DOCK4: variants seen among roughly 807,000 people sequenced by gnomAD.
DOCK4 encodes the protein dedicator of cytokinesis 4.
In DOCK4, 97 loss-of-function variants were observed where a neutral mutation model predicts 268.1. The ratio of observed to expected loss-of-function variants is 0.36; its 90% CI spans 0.31 to 0.43. DOCK4 has a LOEUF of 0.43. Among genes scored for constraint, DOCK4 ranks in the 20% least tolerant of loss-of-function variants. The pLI, the probability that DOCK4 is intolerant of heterozygous loss-of-function variation, is 1.00. For missense variants in DOCK4, 2,145 were observed against 2,455.7 expected, an observed-to-expected ratio of 0.87 and a Z score of 2.67; for synonymous variants, 954 against 887.2, an observed-to-expected ratio of 1.08 and a Z score of -1.34.
intron 8 of DOCK4, among the ~76,000 whole-genome samples, chr7:111,952,532 T>A (rs1266698794): frequency 6.6e-6 from 1 of 152,240 alleles, no homozygotes; most frequent in Non-Finnish European, 1.5e-5. Context: ...TGGATTTATA[T>A]TTATCACTTT....
At chr7:111,991,961 CAAAAAAAAAAAAA>C (rs60667093) in intron 5 of DOCK4, among the ~76,000 whole-genome samples, 44 of 50,918 alleles carry the variant, frequency 8.6e-4, no homozygotes, top group Admixed American at 2.0e-3. Context: ...ACTCTGTCTC[CAAAAAAAAAAAAA>C]AAAAAAAAAA....
At chr7:111,972,264 T>G (rs1157914028) in intron 8 of DOCK4, among the ~76,000 whole-genome samples, 1 of 152,116 alleles carries the variant, frequency 6.6e-6, no homozygotes, top group African/African-American at 2.4e-5. Flanking sequence ...CTGATGCGAC[T>G]GCTGGTGGTG....
rs138331637 is a variant in DOCK4, at chr7:112,103,148, C to T, written c.38-99017G>A. Among the ~76,000 whole-genome samples, 403 of 152,216 alleles carry T rather than the reference C, an allele frequency of 2.6e-3. 1 individual carries two copies. Among genetic ancestry groups the T allele is most frequent in the African/African-American group, 9.3e-3 (388 of 41,550 alleles). On this transcript the variant is annotated intron_variant, in intron 1 of 52. Coordinates refer to ENST00000428084, the MANE Select transcript of DOCK4 (RefSeq NM_001363540.2). ...TAAACTCAAGTCACATGAAACAGTT[C>T]CATTTCTTAAACTTATGAATCACTG... is the stretch of plus-strand genomic sequence containing the variant.
At chr7:111,954,630 C>A (rs1370010854) in intron 8 of DOCK4, among the ~76,000 whole-genome samples, 1 of 152,124 alleles carries the variant, frequency 6.6e-6, no homozygotes, top group African/African-American at 2.4e-5. Flanking sequence ...ACACATACCC[C>A]CTGAAGATGG....
chr7:111,995,862 A>C (rs1201213278), intron 4 of DOCK4, among the ~76,000 whole-genome samples: 4 of 152,222 alleles, frequency 2.6e-5, no homozygotes, highest in Non-Finnish European at 5.9e-5. Flanking sequence ...AACACAGCTG[A>C]AAATGTAAAA....
chr7:112,121,862 T>C (rs751722352), intron 1 of DOCK4, among the ~76,000 whole-genome samples: 40 of 152,304 alleles, frequency 2.6e-4, no homozygotes, highest in African/African-American at 8.9e-4. Flanking sequence ...CAAAATTATA[T>C]CTGATCTCTT....
At chr7:111,871,308 G>A (rs1439143889) in intron 20 of DOCK4, among the ~76,000 whole-genome samples, 3 of 152,170 alleles carry the variant, frequency 2.0e-5, no homozygotes, top group South Asian at 4.1e-4. Context: ...GTTATTTGTC[G>A]AACTAAAAGA....
chr7:112,104,422 G>A (rs569410319), intron 1 of DOCK4, among the ~76,000 whole-genome samples: 1 of 152,130 alleles, frequency 6.6e-6, no homozygotes, highest in Admixed American at 6.6e-5. Flanking sequence ...CTACTCTAAC[G>A]GGAAAAAAAA....
Position 111,811,773 on chromosome 7 carries a change from T to C in DOCK4, c.3006+101A>G, listed in dbSNP as rs1035996732. The C allele has an allele frequency of 8.5e-6, 6 of 707,848 alleles. No individual in the cohort carries two copies. In the Admixed American group the frequency reaches 1.6e-4, roughly 19 times the overall value. 43.8% of individuals were successfully genotyped at this position (707,848 alleles called of 1,614,324 possible). ...ATGAAAACTGTTCTAATATTCCTCA[T>C]AGTTAAAACTAATACGGCCCAAGAA... On this transcript the variant is annotated intron_variant, in intron 28 of 52. Coordinates refer to ENST00000428084, the MANE Select transcript of DOCK4 (RefSeq NM_001363540.2).
chr7:112,012,226 C>A (rs975004101), intron 1 of DOCK4, among the ~76,000 whole-genome samples: 10 of 152,044 alleles, frequency 6.6e-5, no homozygotes, highest in Admixed American at 6.5e-4. Flanking sequence ...AAAACCCTTT[C>A]TCTATTCTGT....
chr7:111,835,142 A>C (rs1586130004), intron 25 of DOCK4, among the ~76,000 whole-genome samples: 1 of 152,168 alleles, frequency 6.6e-6, no homozygotes, highest in East Asian at 1.9e-4. Context: ...ACTTGCCCCA[A>C]GTCACTCAGC....
intron 26 of DOCK4, 103 bp downstream of exon 26, chr7:111,834,485 A>ACCATT: frequency 1.1e-6 from 1 of 897,424 alleles, no homozygotes; most frequent in East Asian, 2.8e-5. Context: ...AACTTAATGG[A>ACCATT]AACAGGTAAA....
intron 30 of DOCK4, among the ~76,000 whole-genome samples, chr7:111,807,241 C>T (rs531227617): frequency 1.3e-5 from 2 of 152,244 alleles, no homozygotes; most frequent in South Asian, 4.1e-4. Context: ...ATGCAGCATT[C>T]TTTCAAAAAC....
rs1020105717 is a variant in DOCK4, at chr7:112,008,753, C to T, written c.38-4622G>A. On this transcript the variant is annotated intron_variant, in intron 1 of 52. Transcript: ENST00000428084. ...TTATGCCTGTAATCCCAGCACTTTG[C>T]GGGGCCGAGGCAGGCAGATCACTTG... 3.9e-5 allele frequency among the ~76,000 whole-genome samples: 6 copies of T among 152,134 alleles called. No homozygotes were observed. In the South Asian group the frequency reaches 6.2e-4, roughly 16 times the overall value.
intron 1 of DOCK4, among the ~76,000 whole-genome samples, chr7:112,068,938 CA>C (rs1160895295): frequency 6.6e-6 from 1 of 152,002 alleles, no homozygotes; most frequent in Non-Finnish European, 1.5e-5. Flanking sequence ...TTAAAAACAA[CA>C]AAAAAGAGAA....
At chr7:111,947,318 C>T (rs375713708) in intron 8 of DOCK4, among the ~76,000 whole-genome samples, 4 of 152,170 alleles carry the variant, frequency 2.6e-5, no homozygotes, top group African/African-American at 9.6e-5. Flanking sequence ...AACACTTATT[C>T]TCTTTGGTGA....
chr7:111,949,128 T>C (rs1410338640), intron 8 of DOCK4, among the ~76,000 whole-genome samples: 1 of 152,186 alleles, frequency 6.6e-6, no homozygotes, highest in East Asian at 1.9e-4. Context: ...CCTTCTCCTA[T>C]ATCATGGACA....
intron 23 of DOCK4, among the ~76,000 whole-genome samples, chr7:111,859,734 A>AT (rs1484776946): frequency 6.6e-6 from 1 of 150,890 alleles, no homozygotes; most frequent in African/African-American, 2.4e-5. Context: ...CGCCCGGCTA[A>AT]TTTTTTGTAT....
intron 1 of DOCK4, among the ~76,000 whole-genome samples, chr7:112,184,052 A>G (rs1279960625): frequency 6.6e-6 from 1 of 152,010 alleles, no homozygotes; most frequent in Non-Finnish European, 1.5e-5. Context: ...ATTATCAGTG[A>G]CCCTTTCTCT....
Sources: allele counts gnomAD v4.1 joint callset (sites outside exome capture counted in the v4.1 genomes callset), GRCh38; gene constraint gnomAD v4.1.1; transcripts MANE v1.5; gene names NCBI Gene and HGNC (gene_info 2026-07-23, HGNC 2026-07-21).